Variants in NRXN3 observed in about 807,000 individuals in gnomAD.
NRXN3 encodes neurexin III.
Under a neutral mutation model 137.6 loss-of-function variants are expected in NRXN3, and 32 were observed. That is an observed-to-expected ratio of 0.23 (90% CI 0.18 to 0.31). NRXN3 has a LOEUF of 0.31. NRXN3 is among the 10% of genes least tolerant of loss of function. NRXN3 has a pLI of 1.00. For missense variants in NRXN3, 1,574 were observed against 2,062.5 expected (o/e 0.76, Z 4.59); for synonymous variants, 798 against 784.5 (o/e 1.02, Z -0.29).
At chr14:79,859,159 A>T (rs966807161) in intron 20 of NRXN3, among the ~76,000 whole-genome samples, 3 of 152,144 alleles carry the variant, frequency 2.0e-5, no homozygotes, top group African/African-American at 7.2e-5. Flanking sequence ...GTATTTTTTT[A>T]AATTTCATAG....
chr14:78,227,800 G>A (rs879359453), intron 1 of NRXN3, among the ~76,000 whole-genome samples: 2 of 152,186 alleles, frequency 1.3e-5, no homozygotes, highest in Non-Finnish European at 2.9e-5. Context: ...TCAGGACTGC[G>A]TCTCTAGAAC....
intron 16 of NRXN3, among the ~76,000 whole-genome samples, chr14:79,529,579 CAT>C (rs754279538): frequency 3.1e-4 from 47 of 152,312 alleles, no homozygotes; most frequent in South Asian, 8.3e-4. Flanking sequence ...TATTAAAACA[CAT>C]GTCTTACCAG....
At chr14:79,487,069 T>A (rs2096664238) in intron 16 of NRXN3, among the ~76,000 whole-genome samples, 1 of 151,950 alleles carries the variant, frequency 6.6e-6, no homozygotes, top group African/African-American at 2.4e-5. Context: ...GTTCAAATCC[T>A]GATCCTATCA....
At chr14:79,858,832 TA>T (rs1017250047) in intron 20 of NRXN3, among the ~76,000 whole-genome samples, 1 of 152,040 alleles carries the variant, frequency 6.6e-6, no homozygotes, top group African/African-American at 2.4e-5. Flanking sequence ...AGAAGAATAA[TA>T]AAAAAGTTTG....
chr14:78,623,177 C>T (rs2097422575), intron 4 of NRXN3, among the ~76,000 whole-genome samples: 2 of 152,210 alleles, frequency 1.3e-5, no homozygotes, highest in Non-Finnish European at 2.9e-5. Flanking sequence ...TTCCTTTATA[C>T]ATTATGTATG....
At chr14:79,229,631 C>T (rs1448884919) in intron 15 of NRXN3, among the ~76,000 whole-genome samples, 5 of 152,058 alleles carry the variant, frequency 3.3e-5, no homozygotes, top group Non-Finnish European at 2.9e-5. Context: ...AGTATGCTGG[C>T]GAAAACGAAC....
At chr14:79,292,077 A>G (rs139578418) in intron 15 of NRXN3, among the ~76,000 whole-genome samples, 1 of 152,214 alleles carries the variant, frequency 6.6e-6, no homozygotes, top group Non-Finnish European at 1.5e-5. Flanking sequence ...CTTACTAAGC[A>G]GTTAGCCTAT....
intron 20 of NRXN3, among the ~76,000 whole-genome samples, chr14:79,847,293 T>C (rs1257688819): frequency 6.6e-6 from 1 of 152,238 alleles, no homozygotes; most frequent in Non-Finnish European, 1.5e-5. Context: ...CTTGAATACA[T>C]GTTTTAATTG....
intron 16 of NRXN3, among the ~76,000 whole-genome samples, chr14:79,586,379 G>T (rs28519457): frequency 0.089 from 13,511 of 152,144 alleles, 1,219 homozygotes; most frequent in African/African-American, 0.23. Context: ...TAAGTAACAG[G>T]TTTGGTTTTT....
intron 4 of NRXN3, among the ~76,000 whole-genome samples, chr14:78,314,942 T>TCTTTCTTTCTTTCTTTTTTCTTC: frequency 3.3e-5 from 2 of 60,650 alleles, no homozygotes; most frequent in East Asian, 1.4e-3. Context: ...TTTCTTTCTT[T>TCTTTCTTTCTTTCTTTTTTCTTC]CTTCCTTCCT....
At chr14:79,279,848 T>C in intron 15 of NRXN3, 3 of 1,001,662 alleles carry the variant, frequency 3.0e-6, no homozygotes, top group Non-Finnish European at 3.6e-6. Context: ...TGGGATAAAC[T>C]CACCTGAACC....
chr14:78,474,810 C>T (rs2095350080), intron 4 of NRXN3, among the ~76,000 whole-genome samples: 1 of 152,180 alleles, frequency 6.6e-6, no homozygotes. Flanking sequence ...TCAATATATG[C>T]AAGGAACTGG....
At chr14:78,680,977 A>G (rs933488040) in intron 6 of NRXN3, among the ~76,000 whole-genome samples, 1 of 152,222 alleles carries the variant, frequency 6.6e-6, no homozygotes, top group Non-Finnish European at 1.5e-5. Flanking sequence ...ATTATCAGAA[A>G]CATGGTGGCT....
At chr14:78,269,284 C>T (rs1352663952) in intron 2 of NRXN3, among the ~76,000 whole-genome samples, 1 of 152,136 alleles carries the variant, frequency 6.6e-6, no homozygotes, top group African/African-American at 2.4e-5. Context: ...AATTCTGACA[C>T]ATGCTACAAC....
chr14:78,283,070 T>C (rs898627898), intron 3 of NRXN3: 3 of 152,230 alleles, frequency 2.0e-5, no homozygotes, highest in African/African-American at 7.2e-5. Context: ...CGGTTCACCT[T>C]GCGAAAGCCC....
At chr14:78,335,217 T>C (rs914296610) in intron 4 of NRXN3, among the ~76,000 whole-genome samples, 8 of 152,234 alleles carry the variant, frequency 5.3e-5, no homozygotes, top group Admixed American at 4.6e-4. Context: ...CAATGTTAAG[T>C]GGTGGGCAGT....
chr14:78,425,610 G>A (rs1268973609), intron 4 of NRXN3, among the ~76,000 whole-genome samples: 1 of 152,094 alleles, frequency 6.6e-6, no homozygotes, highest in Admixed American at 6.5e-5. Context: ...TTCTTACCCT[G>A]AATGGAGAGT....
intron 1 of NRXN3, among the ~76,000 whole-genome samples, chr14:78,229,582 G>A (rs1365158761): frequency 6.6e-6 from 1 of 152,130 alleles, no homozygotes; most frequent in African/African-American, 2.4e-5. Context: ...GTCTGCTAGT[G>A]ATCCGAACCA....
intron 10 of NRXN3, among the ~76,000 whole-genome samples, chr14:78,866,325 T>G (rs1046174317): frequency 2.0e-5 from 3 of 152,196 alleles, no homozygotes; most frequent in South Asian, 2.1e-4. Context: ...AGAATAGTGA[T>G]GGCTATAATC....
Sources: allele counts gnomAD v4.1 joint callset (sites outside exome capture counted in the v4.1 genomes callset), GRCh38; gene constraint gnomAD v4.1.1; transcripts MANE v1.5; gene names NCBI Gene and HGNC (gene_info 2026-07-23, HGNC 2026-07-21).